Variants in PDE8A observed in about 807,000 individuals in gnomAD.
PDE8A encodes high affinity cAMP-specific and IBMX-insensitive 3',5'-cyclic phosphodiesterase 8A.
PDE8A carries 59 observed loss-of-function variants against 105.0 expected under a neutral mutation model. That is an observed-to-expected ratio of 0.56 (90% CI 0.46 to 0.70). The LOEUF is 0.70. Among genes scored for constraint, PDE8A ranks in the 30% least tolerant of loss-of-function variants. The pLI is 0.00. For missense variants in PDE8A, 1,014 were observed against 1,045.9 expected, an observed-to-expected ratio of 0.97 and a Z score of 0.42; for synonymous variants, 355 against 371.9, an observed-to-expected ratio of 0.95 and a Z score of 0.52.
intron 2 of PDE8A, among the ~76,000 whole-genome samples, chr15:85,066,246 C>T (rs1431590812): frequency 6.6e-6 from 1 of 151,982 alleles, no homozygotes; most frequent in Non-Finnish European, 1.5e-5. Flanking sequence ...TTGAGTTCTG[C>T]CAGTGGGTTT....
intron 11 of PDE8A, among the ~76,000 whole-genome samples, chr15:85,100,957 A>G (rs560384098): frequency 1.3e-5 from 2 of 152,328 alleles, no homozygotes; most frequent in Admixed American, 6.5e-5. Flanking sequence ...TTACCAGAAC[A>G]GTTCATTCTT....
chr15:85,083,564 A>G lies in PDE8A; in HGVS notation c.555A>G (p.Val185=). The change falls in exon 6 of 22, where the codon GTA becomes GTG. Residue 185 remains valine, a synonymous_variant. Transcript: ENST00000394553. ...CCTCTTTCTGTTTGTAGAGGTATGT[A>G]GAAAACCCCAACATCATGGCCTGCT... is the stretch of plus-strand genomic sequence containing the variant. The part of the protein sequence containing the change: ...FISAGFTRRY[V]ENPNIMACYN... The G allele has an allele frequency of 1.2e-6, 2 of 1,608,058 alleles. No individual in the cohort carries two copies. Among genetic ancestry groups the G allele is most frequent in the East Asian group, 2.2e-5 (1 of 44,812 alleles).
At chr15:85,075,113 T>C (rs1416023672) in intron 3 of PDE8A, among the ~76,000 whole-genome samples, 1 of 152,216 alleles carries the variant, frequency 6.6e-6, no homozygotes, top group Non-Finnish European at 1.5e-5. Flanking sequence ...TTCTTTCTTT[T>C]ACTCTATGTC....
rs776886576 is a variant in PDE8A, at chr15:85,002,372, AACAG to A, written c.186+20032_186+20035del. On this transcript the variant is annotated intron_variant, in intron 1 of 21. Transcript: ENST00000394553. ...ATATATTTATTAAAGGATACAAATG[AACAG>A]ACAGACAAAGAGGTGATACACAGGG... Among the ~76,000 whole-genome samples the A allele has an allele frequency of 4.9e-4, 75 of 152,358 alleles. No individual in the cohort carries two copies. In the Middle Eastern group the frequency reaches 0.02, roughly 41 times the overall value.
chr15:85,023,526 G>A (rs2080463628), intron 1 of PDE8A, among the ~76,000 whole-genome samples: 1 of 152,212 alleles, frequency 6.6e-6, no homozygotes, highest in African/African-American at 2.4e-5. Context: ...CAGAACTGGG[G>A]AGGTGGGATT....
At chr15:85,137,461 G>GC (rs1194110257) in intron 21 of PDE8A, among the ~76,000 whole-genome samples, 1 of 149,106 alleles carries the variant, frequency 6.7e-6, no homozygotes, top group African/African-American at 2.5e-5. Context: ...ATCGGTTGGG[G>GC]CGGGGGGGCA....
intron 3 of PDE8A, among the ~76,000 whole-genome samples, chr15:85,072,543 C>T (rs755975652): frequency 9.2e-5 from 14 of 152,160 alleles, no homozygotes; most frequent in Non-Finnish European, 1.3e-4. Context: ...AAGGAGCATT[C>T]CCTTTTTCCT....
chr15:85,003,744 C>A (rs764922478), intron 1 of PDE8A, among the ~76,000 whole-genome samples: 1 of 152,168 alleles, frequency 6.6e-6, no homozygotes, highest in Non-Finnish European at 1.5e-5. Flanking sequence ...TCCCAGTTGA[C>A]GTTCTCCCTT....
At position 85,123,132 on chromosome 15, in the gene PDE8A, A is replaced by G; in HGVS notation, c.2024A>G (p.Glu675Gly). 6 of 1,613,980 alleles carry G rather than the reference A, an allele frequency of 3.7e-6. No individual in the cohort carries two copies. The highest frequency in any genetic ancestry group is 5.1e-6 in the Non-Finnish European group (6 of 1,179,854). ...GCCACAGAAATGACAAAGCACTTTG[A>G]GCATGTCAACAAATTTGTCAACAGC... The part of the protein sequence containing the change: ...VLATEMTKHF[E>G]HVNKFVNSIN... The change falls in exon 19 of 22, where the codon GAG becomes GGG. Residue 675 changes from glutamate (E) to glycine (G), a missense_variant. Coordinates refer to ENST00000394553, the MANE Select transcript of PDE8A (RefSeq NM_002605.3).
chr15:84,987,988 A>T (rs2079830758), intron 1 of PDE8A, among the ~76,000 whole-genome samples: 1 of 152,192 alleles, frequency 6.6e-6, no homozygotes, highest in Non-Finnish European at 1.5e-5. Context: ...GTAGGAGGTG[A>T]TGGATTCTGC....
At chr15:85,074,379 C>G (rs1182307348) in intron 3 of PDE8A, among the ~76,000 whole-genome samples, 7 of 152,092 alleles carry the variant, frequency 4.6e-5, no homozygotes, top group African/African-American at 1.7e-4. Flanking sequence ...ATTCCCTGAC[C>G]CTTTACAGAA....
chr15:85,088,577 G>A (rs769614402), intron 6 of PDE8A, among the ~76,000 whole-genome samples: 35 of 152,218 alleles, frequency 2.3e-4, no homozygotes, highest in Non-Finnish European at 3.7e-4. Flanking sequence ...GAACATTTGC[G>A]TATAAGTTTT....
intron 6 of PDE8A, among the ~76,000 whole-genome samples, chr15:85,084,530 C>T (rs1227321410): frequency 6.6e-6 from 1 of 152,164 alleles, no homozygotes; most frequent in Non-Finnish European, 1.5e-5. Flanking sequence ...TTTCCCACTC[C>T]TGGGTCATCT....
At chr15:84,980,683 G>T (rs115640954), upstream of PDE8A, 1,773 of 152,500 alleles carry the variant, frequency 0.012, 37 homozygotes, top group African/African-American at 0.039. Flanking sequence ...CAGCCACCAA[G>T]AAGTTAAGTG....
intron 1 of PDE8A, among the ~76,000 whole-genome samples, chr15:85,049,802 G>A (rs2080943680): frequency 6.6e-6 from 1 of 152,238 alleles, no homozygotes; most frequent in African/African-American, 2.4e-5. Flanking sequence ...TGTGCATACA[G>A]ATATCTGTCT....
At chr15:85,136,168 A>G (rs954146576) in intron 20 of PDE8A, among the ~76,000 whole-genome samples, 1 of 152,242 alleles carries the variant, frequency 6.6e-6, no homozygotes, top group Non-Finnish European at 1.5e-5. Flanking sequence ...CTAGGCCAGT[A>G]GCCTGTAAAC....
intron 1 of PDE8A, among the ~76,000 whole-genome samples, chr15:85,019,437 A>G (rs2080382728): frequency 6.6e-6 from 1 of 152,200 alleles, no homozygotes; most frequent in African/African-American, 2.4e-5. Context: ...TTTATTTTAA[A>G]GAAATGGGGT....
At position 85,091,162 on chromosome 15, in the gene PDE8A, C is replaced by T; in HGVS notation, c.833C>T (p.Ser278Leu). 1 of 1,611,752 alleles carries T rather than the reference C, an allele frequency of 6.2e-7. No individual in the cohort carries two copies. Among genetic ancestry groups the T allele is most frequent in the Non-Finnish European group, 8.5e-7 (1 of 1,179,076 alleles). The change falls in exon 8 of 22, where the codon TCA becomes TTA. Residue 278 changes from serine (S) to leucine (L), a missense_variant. By Grantham distance (145) the Ser-to-Leu change is moderately radical. Coordinates refer to ENST00000394553, the MANE Select transcript of PDE8A (RefSeq NM_002605.3). Reference sequence around the variant, plus strand: ...GCTGACTTGCTCGATACTATAAATTCATGCATCAGGATAGGCAAGGTAAGT... The same window carrying T: ...GCTGACTTGCTCGATACTATAAATTTATGCATCAGGATAGGCAAGGTAAGT... ...KKADLLDTIN[S>L]CIRIGKEWQG... is the part of the protein sequence containing the mutation.
At chr15:84,982,430 G>T (rs1186592633) in intron 1 of PDE8A, 82 bp downstream of exon 1, 1 of 909,752 alleles carries the variant, frequency 1.1e-6, no homozygotes, top group Non-Finnish European at 1.5e-6. Context: ...GCCGGGCGGG[G>T]TCCCCCCCAC....
Sources: allele counts gnomAD v4.1 joint callset (sites outside exome capture counted in the v4.1 genomes callset), GRCh38; gene constraint gnomAD v4.1.1; transcripts MANE v1.5; gene names NCBI Gene and HGNC (gene_info 2026-07-23, HGNC 2026-07-21).